Variants in ADTRP observed in about 807,000 individuals in gnomAD.
ADTRP encodes androgen-dependent TFPI-regulating protein.
Under a neutral mutation model 27.0 loss-of-function variants are expected in ADTRP, and 20 were observed. That is an observed-to-expected ratio of 0.74 (90% confidence interval 0.52 to 1.08). The LOEUF is 1.08. Ranked by LOEUF, ADTRP falls within the 50% of genes least tolerant of loss-of-function variation. The pLI is 0.00. For missense variants in ADTRP, 251 were observed against 275.0 expected (o/e 0.91, Z 0.62); for synonymous variants, 101 against 105.2 (o/e 0.96, Z 0.25).
At chr6:11,751,845 C>T (rs554760762) in intron 3 of ADTRP, among the ~76,000 whole-genome samples, 9 of 152,174 alleles carry the variant, frequency 5.9e-5, no homozygotes, top group South Asian at 2.1e-4. Flanking sequence ...ACAGTTTTTT[C>T]CTTCAACACT....
rs549937547 is a variant in ADTRP, at chr6:11,754,897, G to A, written c.390+11377C>T. On this transcript the variant is annotated intron_variant, in intron 3 of 5. Coordinates refer to ENST00000414691, the MANE Select transcript of ADTRP (RefSeq NM_032744.4). ...CCTGGCAGAGAAGGCGCTCTCATCC[G>A]CCCAGCAGGCTGCTCTCGGGGATTT... is the stretch of plus-strand genomic sequence containing the variant. The A allele has an allele frequency of 2.9e-5, 11 of 381,370 alleles. No homozygotes were observed. The East Asian group carries it at 8.3e-4, about 29-fold the overall frequency. The allele number at this position is 381,370 out of a possible 1,614,324, so 23.6% of individuals were successfully genotyped here. A position where few individuals can be genotyped will look rare whatever the true frequency, so the allele number is the denominator to read the frequency against.
intron 1 of ADTRP, among the ~76,000 whole-genome samples, chr6:11,777,389 C>T (rs1763991763): frequency 6.6e-6 from 1 of 152,062 alleles, no homozygotes; most frequent in Non-Finnish European, 1.5e-5. Context: ...GTCCTAACTA[C>T]AGACACACTT....
intron 3 of ADTRP, among the ~76,000 whole-genome samples, chr6:11,743,941 G>A (rs1044680237): frequency 6.6e-6 from 1 of 152,148 alleles, no homozygotes; most frequent in Admixed American, 6.5e-5. Context: ...GCCAAAGCTT[G>A]GAAATTGGTG....
At chr6:11,726,103 T>C (rs555814924) in intron 4 of ADTRP, among the ~76,000 whole-genome samples, 4 of 152,216 alleles carry the variant, frequency 2.6e-5, no homozygotes, top group South Asian at 2.1e-4. Flanking sequence ...CAGATCAACT[T>C]TGAAGACATG....
At position 11,766,294 on chromosome 6, in the gene ADTRP, C is replaced by T. The variant is rs76154682; in HGVS notation, c.370G>A (p.Val124Met). ...CTCACCATTGCATGATTCAGCCACACGGGGATGACAGTATCTAGGACCTTG... is the reference window on the plus strand; with the variant it reads ...CTCACCATTGCATGATTCAGCCACATGGGGATGACAGTATCTAGGACCTTG... ...YPKVLDTVIP[V>M]WLNHAMHTFI... is the part of the protein sequence containing the mutation. Residue 124 changes from valine to methionine, a missense_variant, in exon 3 of 6, where the codon GTG (valine) becomes ATG (methionine). Physicochemically the swap from Val to Met is conservative, Grantham distance 21. Transcript: ENST00000414691. The T allele has an allele frequency of 2.8e-4, 451 of 1,611,396 alleles. No individual in the cohort carries two copies. Among genetic ancestry groups the T allele is most frequent in the East Asian group, 2.3e-3 (104 of 44,766 alleles).
chr6:11,749,020 G>A (rs955773785), intron 3 of ADTRP, among the ~76,000 whole-genome samples: 15 of 152,248 alleles, frequency 9.9e-5, no homozygotes, highest in Non-Finnish European at 1.8e-4. Flanking sequence ...GCCATGGTCT[G>A]TAGAGGCCTG....
At chr6:11,761,069 C>A (rs897877317) in intron 3 of ADTRP, among the ~76,000 whole-genome samples, 3 of 152,134 alleles carry the variant, frequency 2.0e-5, no homozygotes, top group Admixed American at 6.5e-5. Context: ...TTTAGAGATG[C>A]CAGTATTTCC....
chr6:11,745,384 T>C (rs1327034801), intron 3 of ADTRP, among the ~76,000 whole-genome samples: 3 of 152,328 alleles, frequency 2.0e-5, no homozygotes, highest in East Asian at 3.9e-4. Flanking sequence ...ATATAAGATA[T>C]GGTCTTTGAA....
At chr6:11,753,380 T>C (rs1763115195) in intron 3 of ADTRP, among the ~76,000 whole-genome samples, 1 of 152,196 alleles carries the variant, frequency 6.6e-6, no homozygotes, top group South Asian at 2.1e-4. Flanking sequence ...GTTATATGCA[T>C]TGTGCTCTAA....
intron 4 of ADTRP, among the ~76,000 whole-genome samples, chr6:11,730,935 A>AG (rs1491265046): frequency 6.6e-6 from 1 of 151,778 alleles, no homozygotes; most frequent in Admixed American, 6.6e-5. Context: ...CTACCAACAC[A>AG]GGGGGCTGAT....
rs5874334 is a variant in ADTRP, at chr6:11,713,964, G to GA, written c.*513dup. On this transcript the variant is annotated 3_prime_UTR_variant, in exon 6 of 6. Transcript: ENST00000414691. ...CTTACTGAAATGCTTGTCTTTTAAA[G>GA]AAAGTTGGGATTATTTAAAAAAAAA... 80,123 of 151,014 alleles carry GA rather than the reference G, an allele frequency of 0.53. 23,013 individuals are homozygous for GA. Among genetic ancestry groups the GA allele is most frequent in the Non-Finnish European group, 0.66 (44,690 of 67,900 alleles). The allele number at this position is 151,014 out of a possible 1,614,324, so 9.4% of individuals were successfully genotyped here.
chr6:11,766,977 A>G (rs1763594317), intron 2 of ADTRP, among the ~76,000 whole-genome samples: 1 of 152,244 alleles, frequency 6.6e-6, no homozygotes, highest in Admixed American at 6.5e-5. Flanking sequence ...ATAGATAAGG[A>G]AGTTAAAAAC....
intron 3 of ADTRP, among the ~76,000 whole-genome samples, chr6:11,756,600 A>G (rs574499025): frequency 1.3e-5 from 2 of 152,356 alleles, no homozygotes; most frequent in East Asian, 3.9e-4. Context: ...CAGTGAGTTA[A>G]GGAATAGAGT....
In ADTRP at chr6:11,751,578, C is replaced by G. The variant is rs138986328; in HGVS notation, c.390+14696G>C. Reference sequence around the variant, plus strand: ...TCCAATCACCCCCTCTCGGTTTACACTCTATTTTTGCTCAGCATTTTAGCT... The same window carrying G: ...TCCAATCACCCCCTCTCGGTTTACAGTCTATTTTTGCTCAGCATTTTAGCT... On this transcript the variant is annotated intron_variant, in intron 3 of 5. Transcript: ENST00000414691. Among the ~76,000 whole-genome samples the G allele has an allele frequency of 2.2e-3, 338 of 152,296 alleles. 3 individuals carry two copies. The highest frequency in any genetic ancestry group is 7.9e-3 in the African/African-American group (327 of 41,572).
intron 5 of ADTRP, chr6:11,717,493 C>T (rs375465898): frequency 8.2e-7 from 1 of 1,216,918 alleles, no homozygotes; most frequent in Non-Finnish European, 1.1e-6. Context: ...CTTATTATTC[C>T]AATAGTTAGA....
At chr6:11,749,223 G>T (rs989246884) in intron 3 of ADTRP, among the ~76,000 whole-genome samples, 2 of 152,092 alleles carry the variant, frequency 1.3e-5, no homozygotes, top group African/African-American at 4.8e-5. Context: ...TTTCTGTCTT[G>T]GGCAATTGGG....
intron 5 of ADTRP, among the ~76,000 whole-genome samples, chr6:11,719,263 C>A (rs938343620): frequency 1.3e-5 from 2 of 152,210 alleles, no homozygotes; most frequent in African/African-American, 4.8e-5. Flanking sequence ...GAATCTCAAA[C>A]TGCACCCCAG....
chr6:11,743,196 GT>G (rs962464887), intron 3 of ADTRP, among the ~76,000 whole-genome samples: 4 of 152,098 alleles, frequency 2.6e-5, no homozygotes, highest in Non-Finnish European at 5.9e-5. Flanking sequence ...AATTTCATGT[GT>G]TTTTTTCCCC....
In ADTRP at chr6:11,778,678, C is replaced by T. The variant is rs1351605733; in HGVS notation, c.82G>A (p.Gly28Arg). The change falls in exon 1 of 6, where the codon GGA becomes AGA. Residue 28 changes from glycine to arginine, a missense_variant. Transcript: ENST00000414691. ...ATTTTGGGTTTCACCTCGTCTTTTC[C>T]TTCCTGTGAGATGTAATAATTGAGG... ...TFLNYYISQE[G>R]KDEVKPKILA... 6.2e-7 allele frequency: 1 copy of T among 1,614,186 alleles called. No homozygotes were observed. The highest frequency in any genetic ancestry group is 2.2e-5 in the East Asian group (1 of 44,886).
Sources: gnomAD v4.1 joint callset for allele counts (sites outside exome capture counted in the v4.1 genomes callset) on GRCh38, gnomAD v4.1.1 for gene constraint, MANE v1.5 for transcripts, NCBI Gene and HGNC (gene_info 2026-07-23, HGNC 2026-07-21) for gene names.